The following FBN3 variants were observed in gnomAD, a reference collection of about 807,000 sequenced individuals.
The protein encoded by FBN3 is fibrillin-3.
A neutral mutation model predicts 330.1 loss-of-function variants in FBN3; 234 were observed. The observed-to-expected ratio is 0.71, with a 90% CI of 0.64 to 0.79. FBN3 has a LOEUF of 0.79. Ranked by LOEUF, FBN3 falls within the 30% of genes least tolerant of loss-of-function variation. FBN3 has a pLI of 0.00. For missense variants in FBN3, 3,606 were observed against 3,886.9 expected, an observed-to-expected ratio of 0.93 and a Z score of 1.92; for synonymous variants, 1,458 against 1,517.3, an observed-to-expected ratio of 0.96 and a Z score of 0.91.
chr19:8,136,462 C>T lies in FBN3; in HGVS notation c.1271G>A (p.Cys424Tyr). The T allele has an allele frequency of 6.2e-7, 1 of 1,614,196 alleles. No individual in the cohort carries two copies. Among genetic ancestry groups the T allele is most frequent in the South Asian group, 1.1e-5 (1 of 91,084 alleles). Residue 424 changes from cysteine (C) to tyrosine (Y), a missense_variant, in exon 11 of 64, where the codon TGC becomes TAC. By Grantham distance (194) the Cys-to-Tyr change is radical. Transcript: ENST00000600128. ...HFTNLCLNGR[C>Y]LPTPSSYRCE... ...GCGGTAGCTGGAAGGCGTGGGCAGG[C>T]AGCGGCCATTCAGACACAGGTTGGT...
At chr19:8,124,694 G>A (rs556476940) in intron 22 of FBN3, among the ~76,000 whole-genome samples, 3 of 151,922 alleles carry the variant, frequency 2.0e-5, no homozygotes, top group Admixed American at 6.6e-5. Context: ...CCGCTACCAC[G>A]CTCACCTAAT....
intron 16 of FBN3, among the ~76,000 whole-genome samples, chr19:8,130,633 AAAGAAAG>A (rs1282399822): frequency 1.4e-4 from 3 of 20,928 alleles, no homozygotes; most frequent in Admixed American, 6.6e-4. Context: ...AGAAAGAAAG[AAAGAAAG>A]AAAGGAAAGG....
intron 26 of FBN3, among the ~76,000 whole-genome samples, chr19:8,117,893 C>G (rs977296315): frequency 6.6e-6 from 1 of 152,060 alleles, no homozygotes; most frequent in Non-Finnish European, 1.5e-5. Flanking sequence ...CACTCAGATA[C>G]ACACTCACAC....
At chr19:8,141,616 C>T in intron 8 of FBN3, 101 bp downstream of exon 8, 3 of 1,372,502 alleles carry the variant, frequency 2.2e-6, no homozygotes, top group South Asian at 2.8e-5. Context: ...GAACTGGGCA[C>T]CTCACCAGCC....
chr19:8,080,905 A>G, intron 59 of FBN3, 98 bp downstream of exon 59: 2 of 825,098 alleles, frequency 2.4e-6, no homozygotes, highest in Non-Finnish European at 4.0e-6. Flanking sequence ...TACAGGCGTG[A>G]GCCATTGCGC....
chr19:8,126,947 G>A, intron 18 of FBN3, 115 bp from the exon 19 acceptor site: 2 of 1,189,466 alleles, frequency 1.7e-6, no homozygotes, highest in Non-Finnish European at 1.1e-6. Context: ...GCACCCAGAT[G>A]CACAAGCATG....
chr19:8,127,728 C>T (rs1197897564), intron 18 of FBN3, among the ~76,000 whole-genome samples: 1 of 152,218 alleles, frequency 6.6e-6, no homozygotes, highest in Non-Finnish European at 1.5e-5. Context: ...TTACGCCTGT[C>T]ATCCCACCTC....
Position 8,131,679 on chromosome 19 carries a change from C to G in FBN3, c.1865G>C (p.Gly622Ala). The stretch of plus-strand genomic sequence containing the variant: ...GGCACAGGAGCCCTTCTCGATGGCC[C>G]CATAGCAGGTGCTGCGCACGTGGGT... ...VDTHVRSTCY[G>A]AIEKGSCARP... Residue 622 changes from glycine to alanine, a missense_variant, in exon 15 of 64, where the codon GGG becomes GCG. Coordinates refer to ENST00000600128, the MANE Select transcript of FBN3 (RefSeq NM_032447.5). This position sits in a 1 kb window ranked among gnomAD's most constrained non-coding sequence, Gnocchi z 4.5. The G allele has an allele frequency of 1.2e-6, 2 of 1,614,222 alleles. No individual in the cohort carries two copies. Among genetic ancestry groups the G allele is most frequent in the South Asian group, 1.1e-5 (1 of 91,084 alleles).
At chr19:8,097,582 A>G (rs2082239481) in intron 41 of FBN3, among the ~76,000 whole-genome samples, 168 bp from the exon 42 acceptor site, 1 of 152,222 alleles carries the variant, frequency 6.6e-6, no homozygotes, top group Non-Finnish European at 1.5e-5. Context: ...CTCACACCAG[A>G]AAGAGGTGAG....
intron 13 of FBN3, among the ~76,000 whole-genome samples, chr19:8,134,975 C>CATAT (rs766135578): frequency 6.8e-6 from 1 of 147,182 alleles, no homozygotes; most frequent in African/African-American, 2.5e-5. Context: ...ATATATTTTA[C>CATAT]ATATATATAT....
chr19:8,065,457 A>G lies in FBN3; in HGVS notation c.*462T>C, dbSNP rs1329199893. 1 of 162,926 alleles carries G rather than the reference A, an allele frequency of 6.1e-6. No homozygotes were observed. 10.1% of individuals were successfully genotyped at this position (162,926 alleles called of 1,614,324 possible). A position where few individuals can be genotyped will look rare whatever the true frequency, so the allele number is the denominator to read the frequency against. ...ACTTTTGATATAAAAGCATTCTCCA[A>G]ATGGGGGGCAAATGTGGCAAGTCAC... On this transcript the variant is annotated 3_prime_UTR_variant, in exon 64 of 64. Coordinates refer to ENST00000600128, the MANE Select transcript of FBN3 (RefSeq NM_032447.5).
rs1219058076 is a variant in FBN3, at chr19:8,086,005, GGGGACAGGCAGTGGGA to G, written c.6880+179_6880+194del. On this transcript the variant is annotated intron_variant, in intron 55 of 63. Transcript: ENST00000600128. ...AGGCAGTGGGAGGGACAGGCAGTGGGGGGACAGGCAGTGGGAGGGACAGGCAGTGGGAGGGACAGGC... is the reference window on the plus strand; with the variant it reads ...AGGCAGTGGGAGGGACAGGCAGTGGGGGGACAGGCAGTGGGAGGGACAGGC... Among the ~76,000 whole-genome samples the G allele has an allele frequency of 7.5e-4, 78 of 104,686 alleles. 1 individual carries two copies. The highest frequency in any genetic ancestry group is 2.3e-3 in the African/African-American group (64 of 28,374). 68.7% of individuals were successfully genotyped at this position (104,686 alleles called of 152,430 possible).
chr19:8,094,990 T>A (rs1414720979), intron 46 of FBN3, among the ~76,000 whole-genome samples: 3 of 152,164 alleles, frequency 2.0e-5, no homozygotes, highest in Non-Finnish European at 2.9e-5. Flanking sequence ...TTATTTATTT[T>A]GAGATAGGAT....
At chr19:8,108,269 G>C (rs756763464) in intron 36 of FBN3, 31 bp from the exon 37 acceptor site, 76 of 1,577,542 alleles carry the variant, frequency 4.8e-5, no homozygotes, top group Non-Finnish European at 6.6e-5. Flanking sequence ...CTGTGAGGTG[G>C]GGTATTGGGG....
intron 37 of FBN3, among the ~76,000 whole-genome samples, chr19:8,107,394 A>C (rs559103974): frequency 6.7e-6 from 1 of 150,320 alleles, no homozygotes; most frequent in East Asian, 2.0e-4. Flanking sequence ...GGGTAGATGG[A>C]GAATGGTTGG....
intron 26 of FBN3, 72 bp from the exon 27 acceptor site, chr19:8,117,661 G>A: frequency 2.0e-6 from 3 of 1,465,412 alleles, no homozygotes; most frequent in Non-Finnish European, 2.7e-6. Context: ...GACACACTGG[G>A]GGCACACATG....
chr19:8,067,123 CTTTTTCTTTT>C (rs1453072480), intron 63 of FBN3, among the ~76,000 whole-genome samples: 1 of 147,424 alleles, frequency 6.8e-6, no homozygotes, highest in Non-Finnish European at 1.5e-5. Flanking sequence ...GTTTCTTCTT[CTTTTTCTTTT>C]TTTTTTTTTT....
intron 63 of FBN3, among the ~76,000 whole-genome samples, chr19:8,069,960 C>A (rs563223037): frequency 6.6e-6 from 1 of 152,222 alleles, no homozygotes; most frequent in East Asian, 1.9e-4. Flanking sequence ...AAAAATTAGC[C>A]CTTCTCTGTC....
intron 41 of FBN3, among the ~76,000 whole-genome samples, chr19:8,099,467 A>G (rs2082281707): frequency 1.3e-5 from 2 of 150,950 alleles, no homozygotes; most frequent in Admixed American, 1.3e-4. Context: ...TTTTTAGTAG[A>G]GACGGGGTTT....
Sources: allele counts gnomAD v4.1 joint callset (sites outside exome capture counted in the v4.1 genomes callset), GRCh38; gene constraint gnomAD v4.1.1; non-coding constraint Gnocchi (gnomAD v3.1); transcripts MANE v1.5; gene names NCBI Gene and HGNC (gene_info 2026-07-23, HGNC 2026-07-21).